The following SPATA16 variants were observed in gnomAD, a reference collection of about 807,000 sequenced individuals.
SPATA16 encodes the protein spermatogenesis associated 16, also known as spermatogenesis-associated protein 16.
Under a neutral mutation model 63.3 loss-of-function variants are expected in SPATA16, and 36 were observed. The observed-to-expected ratio is 0.57, with a 90% CI of 0.44 to 0.75. SPATA16 has a LOEUF of 0.75. SPATA16 is among the 30% of genes least tolerant of loss of function. The pLI is 0.00. For missense variants in SPATA16, 646 were observed against 679.3 expected, an observed-to-expected ratio of 0.95 and a Z score of 0.54; for synonymous variants, 203 against 216.7, an observed-to-expected ratio of 0.94 and a Z score of 0.56.
intron 4 of SPATA16, among the ~76,000 whole-genome samples, chr3:172,985,696 A>G (rs1251666424): frequency 3.3e-5 from 5 of 152,210 alleles, no homozygotes; most frequent in African/African-American, 1.2e-4. Flanking sequence ...ATAGTAATGA[A>G]GAAAAGGTAG....
chr3:172,925,457 C>T lies in SPATA16; in HGVS notation c.1117G>A (p.Asp373Asn), dbSNP rs763912965. ...QALHMLPQTV[D>N]WSSFPPQQYL... is the part of the protein sequence containing the mutation. ...TGTTGGGGAGGAAAAGATGACCAGTCAACTGTCTGAGGCAACATGTGGAGT... is the reference window on the plus strand; with the variant it reads ...TGTTGGGGAGGAAAAGATGACCAGTTAACTGTCTGAGGCAACATGTGGAGT... The change falls in exon 7 of 11, where the codon GAC becomes AAC. Residue 373 changes from aspartate (D) to asparagine (N), a missense_variant. By Grantham distance (23) the Asp-to-Asn change is conservative. Transcript: ENST00000351008. The T allele has an allele frequency of 1.3e-5, 21 of 1,613,948 alleles. No homozygotes were observed. The highest frequency in any genetic ancestry group is 1.8e-5 in the Non-Finnish European group (21 of 1,179,946).
At chr3:172,918,326 A>G (rs1732542644) in intron 8 of SPATA16, among the ~76,000 whole-genome samples, 1 of 152,196 alleles carries the variant, frequency 6.6e-6, no homozygotes, top group Non-Finnish European at 1.5e-5. Context: ...TCAGGAACAT[A>G]ATCTGTCAGT....
chr3:173,096,535 C>G (rs1737352778), intron 2 of SPATA16, among the ~76,000 whole-genome samples: 1 of 151,954 alleles, frequency 6.6e-6, no homozygotes, highest in Non-Finnish European at 1.5e-5. Context: ...TTGTCTAAAC[C>G]TATTATTTTG....
At chr3:172,905,693 T>TG (rs199981371) in intron 10 of SPATA16, among the ~76,000 whole-genome samples, 14,813 of 152,180 alleles carry the variant, frequency 0.097, 826 homozygotes, top group African/African-American at 0.15. Flanking sequence ...GATTCATAAG[T>TG]TAAGATTTTG....
At position 172,907,708 on chromosome 3, in the gene SPATA16, T is replaced by A. The variant is rs562408500; in HGVS notation, c.1587+5953A>T. Among the ~76,000 whole-genome samples the A allele has an allele frequency of 6.6e-5, 10 of 152,206 alleles. No homozygotes were observed. The South Asian group carries it at 2.1e-3, about 32-fold the overall frequency. ...CTTCTGCCTCAGCCTCTTGAGTAGC[T>A]GGGATTACAGGTGCGTGCCACCATG... On this transcript the variant is annotated intron_variant, in intron 10 of 10. Coordinates refer to ENST00000351008, the MANE Select transcript of SPATA16 (RefSeq NM_031955.6).
intron 4 of SPATA16, among the ~76,000 whole-genome samples, chr3:172,988,611 T>C (rs528443083): frequency 2.7e-4 from 41 of 152,314 alleles, no homozygotes; most frequent in Non-Finnish European, 4.4e-4. Context: ...ATGGAACAGA[T>C]GCTTAATATT....
At chr3:172,971,934 T>A (rs1734055629) in intron 5 of SPATA16, among the ~76,000 whole-genome samples, 1 of 152,088 alleles carries the variant, frequency 6.6e-6, no homozygotes, top group Admixed American at 6.6e-5. Context: ...TAGCCTGTGG[T>A]CTGTGAACCC....
intron 10 of SPATA16, among the ~76,000 whole-genome samples, chr3:172,901,303 G>A (rs969616122): frequency 2.0e-5 from 3 of 152,108 alleles, no homozygotes; most frequent in South Asian, 2.1e-4. Context: ...GGGTTCAAGC[G>A]ATTCTCCTGC....
chr3:173,037,172 A>G (rs1344252305), intron 3 of SPATA16, among the ~76,000 whole-genome samples: 1 of 152,060 alleles, frequency 6.6e-6, no homozygotes, highest in African/African-American at 2.4e-5. Context: ...CACATGGAAC[A>G]TGCTTGTTGG....
intron 4 of SPATA16, among the ~76,000 whole-genome samples, chr3:172,994,995 G>A (rs1734663793): frequency 6.6e-6 from 1 of 152,062 alleles, no homozygotes; most frequent in Non-Finnish European, 1.5e-5. Context: ...GATGGTGCTT[G>A]AATATAAAAG....
chr3:172,898,566 T>C (rs1732058552), intron 10 of SPATA16, among the ~76,000 whole-genome samples: 1 of 151,952 alleles, frequency 6.6e-6, no homozygotes, highest in Non-Finnish European at 1.5e-5. Context: ...ATGTTCCATT[T>C]CATTCCTGGT....
chr3:173,055,483 G>A lies in SPATA16; in HGVS notation c.613-6389C>T, dbSNP rs79097924. The stretch of plus-strand genomic sequence containing the variant: ...TAGTGATCCATGCAGTGACTTGAAT[G>A]AATCTCTAGGGAATATGCTGAGTAA... On this transcript the variant is annotated intron_variant, in intron 2 of 10. Transcript: ENST00000351008. 5.4e-3 allele frequency among the ~76,000 whole-genome samples: 816 copies of A among 152,260 alleles called. 6 individuals are homozygous for A. Among genetic ancestry groups the A allele is most frequent in the African/African-American group, 0.019 (783 of 41,554 alleles).
intron 2 of SPATA16, among the ~76,000 whole-genome samples, chr3:173,087,161 G>A (rs1209708528): frequency 6.6e-6 from 1 of 152,116 alleles, no homozygotes; most frequent in African/African-American, 2.4e-5. Flanking sequence ...GGGACTCTAA[G>A]TCTCATTGTA....
At chr3:172,943,943 C>T (rs1031243135) in intron 6 of SPATA16, among the ~76,000 whole-genome samples, 2 of 151,840 alleles carry the variant, frequency 1.3e-5, no homozygotes, top group African/African-American at 2.4e-5. Context: ...GTAAAAATAC[C>T]ATTTTCATAA....
intron 10 of SPATA16, among the ~76,000 whole-genome samples, chr3:172,892,793 ACT>A (rs1372216643): frequency 4.6e-5 from 7 of 152,120 alleles, no homozygotes; most frequent in African/African-American, 1.4e-4. Context: ...GCTTTATTAG[ACT>A]CTCTTTGGTA....
intron 4 of SPATA16, among the ~76,000 whole-genome samples, chr3:173,017,902 T>G (rs912618449): frequency 1.3e-5 from 2 of 152,216 alleles, no homozygotes; most frequent in African/African-American, 4.8e-5. Context: ...AGAAGGACAC[T>G]TACTATCATC....
chr3:173,114,251 C>T (rs953505568), intron 2 of SPATA16, among the ~76,000 whole-genome samples: 2 of 150,820 alleles, frequency 1.3e-5, no homozygotes, highest in Non-Finnish European at 3.0e-5. Flanking sequence ...AGAGATGCTA[C>T]TTATCCTTCA....
At chr3:172,929,910 A>G (rs951556320) in intron 6 of SPATA16, among the ~76,000 whole-genome samples, 1 of 152,152 alleles carries the variant, frequency 6.6e-6, no homozygotes, top group South Asian at 2.1e-4. Context: ...TCACCAGCCT[A>G]TTATGAGGAA....
chr3:173,088,950 T>C (rs1325304422), intron 2 of SPATA16, among the ~76,000 whole-genome samples: 1 of 152,136 alleles, frequency 6.6e-6, no homozygotes, highest in African/African-American at 2.4e-5. Flanking sequence ...TTTTGGTGAA[T>C]TCAGGTTAAA....
Sources: gnomAD v4.1 joint callset for allele counts (sites outside exome capture counted in the v4.1 genomes callset) on GRCh38, gnomAD v4.1.1 for gene constraint, MANE v1.5 for transcripts, NCBI Gene and HGNC (gene_info 2026-07-23, HGNC 2026-07-21) for gene names.